The following PPP2R2A variants were observed in gnomAD, a reference collection of about 807,000 sequenced individuals.
PPP2R2A encodes serine/threonine-protein phosphatase 2A 55 kDa regulatory subunit B alpha isoform.
In PPP2R2A, 9 loss-of-function variants were observed where a neutral mutation model predicts 53.2. The observed-to-expected ratio is 0.17, with a 90% CI of 0.10 to 0.30. PPP2R2A has a LOEUF of 0.30. Among genes scored for constraint, PPP2R2A ranks in the 10% least tolerant of loss-of-function variants. The probability of loss-of-function intolerance (pLI) is 1.00; values close to 1 mark genes in which losing one functional copy is unlikely to be tolerated. For synonymous variants in PPP2R2A, 169 were observed against 174.2 expected, an observed-to-expected ratio of 0.97 and a Z score of 0.23; for missense variants, 235 against 534.6, an observed-to-expected ratio of 0.44 and a Z score of 5.53.
intron 2 of PPP2R2A, among the ~76,000 whole-genome samples, chr8:26,304,222 T>C (rs557491167): frequency 6.6e-6 from 1 of 152,100 alleles, no homozygotes; most frequent in African/African-American, 2.4e-5. Context: ...TGAGATAATA[T>C]GGGAGGGATT....
chr8:26,305,364 T>C (rs1255027291), intron 2 of PPP2R2A, among the ~76,000 whole-genome samples: 1 of 152,224 alleles, frequency 6.6e-6, no homozygotes, highest in Non-Finnish European at 1.5e-5. Flanking sequence ...AGTCTTTTTA[T>C]ATATATGGGG....
In PPP2R2A at chr8:26,362,267, C is replaced by T. The variant is rs1036369863; in HGVS notation, c.638-417C>T. Reference sequence around the variant, plus strand: ...AGCACTTTGGGAGGCTGAGGCGAGGCGGATGGATCATGAGGTCAGGAGGTC... The same window carrying T: ...AGCACTTTGGGAGGCTGAGGCGAGGTGGATGGATCATGAGGTCAGGAGGTC... On this transcript the variant is annotated intron_variant, in intron 6 of 9. Transcript: ENST00000380737. This position sits in a 1 kb window ranked among gnomAD's most constrained non-coding sequence, Gnocchi z 4.4. 6.7e-6 allele frequency among the ~76,000 whole-genome samples: 1 copy of T among 149,930 alleles called. No individual in the cohort carries two copies. Among genetic ancestry groups the T allele is most frequent in the African/African-American group, 2.5e-5 (1 of 40,702 alleles).
At chr8:26,307,670 A>G (rs998471811) in intron 2 of PPP2R2A, among the ~76,000 whole-genome samples, 2 of 152,238 alleles carry the variant, frequency 1.3e-5, no homozygotes, top group Non-Finnish European at 2.9e-5. Flanking sequence ...GTTAAAGGAA[A>G]AACAACTTTG....
intron 2 of PPP2R2A, among the ~76,000 whole-genome samples, chr8:26,314,351 C>A (rs184393349): frequency 6.6e-6 from 1 of 152,338 alleles, no homozygotes; most frequent in Non-Finnish European, 1.5e-5. Context: ...AAGCCTGGTG[C>A]ACAGCTGTTG....
chr8:26,334,512 G>A (rs923012976), intron 2 of PPP2R2A, among the ~76,000 whole-genome samples: 6 of 152,124 alleles, frequency 3.9e-5, no homozygotes, highest in Non-Finnish European at 5.9e-5. Context: ...TTGGGAGGCC[G>A]AGGTAGGCGG....
intron 2 of PPP2R2A, among the ~76,000 whole-genome samples, chr8:26,306,675 T>TA (rs911189229): frequency 2.6e-5 from 4 of 151,914 alleles, no homozygotes; most frequent in African/African-American, 7.3e-5. Flanking sequence ...GTAACTAGGT[T>TA]AAAAAAATCT....
chr8:26,315,991 C>A (rs963394762), intron 2 of PPP2R2A, among the ~76,000 whole-genome samples: 2 of 152,098 alleles, frequency 1.3e-5, no homozygotes, highest in African/African-American at 4.8e-5. Flanking sequence ...TTTCTTAAAT[C>A]TAAATTCTGA....
intron 2 of PPP2R2A, among the ~76,000 whole-genome samples, chr8:26,309,754 GGAGA>G (rs922034682): frequency 6.6e-5 from 10 of 152,114 alleles, no homozygotes; most frequent in African/African-American, 2.4e-4. Context: ...GCCCAAGGAG[GGAGA>G]GAGAGAGGGG....
intron 2 of PPP2R2A, among the ~76,000 whole-genome samples, chr8:26,329,272 T>C (rs1459663699): frequency 3.3e-5 from 5 of 152,194 alleles, no homozygotes; most frequent in African/African-American, 2.4e-5. Flanking sequence ...AGAAGAAATA[T>C]ATACTTTTAA....
intron 4 of PPP2R2A, among the ~76,000 whole-genome samples, chr8:26,356,467 A>G (rs1804788943): frequency 1.3e-5 from 2 of 152,160 alleles, no homozygotes; most frequent in South Asian, 2.1e-4. Flanking sequence ...AGAAGTAACT[A>G]TTTAAAGCCT....
intron 2 of PPP2R2A, among the ~76,000 whole-genome samples, chr8:26,318,106 G>A (rs1802649250): frequency 6.6e-6 from 1 of 152,132 alleles, no homozygotes; most frequent in South Asian, 2.1e-4. Context: ...GTGCCAGGAT[G>A]TGCCATTACT....
chr8:26,300,882 C>T lies in PPP2R2A; in HGVS notation c.82+7142C>T, dbSNP rs114332499. ...GAAAAGAAAAGAAAAAGCCTAGGTGCAAATTAGATTTTCTATAAATAAACT... is the reference window on the plus strand; with the variant it reads ...GAAAAGAAAAGAAAAAGCCTAGGTGTAAATTAGATTTTCTATAAATAAACT... On this transcript the variant is annotated intron_variant, in intron 2 of 9. Transcript: ENST00000380737. Among the ~76,000 whole-genome samples the T allele has an allele frequency of 2.8e-3, 424 of 152,156 alleles. 1 individual carries two copies. Among genetic ancestry groups the T allele is most frequent in the African/African-American group, 9.8e-3 (406 of 41,514 alleles).
chr8:26,293,186 T>C, intron 1 of PPP2R2A: 2 of 1,507,584 alleles, frequency 1.3e-6, no homozygotes, highest in South Asian at 1.2e-5. Context: ...GTGTAGTGTT[T>C]GCTGTGTGTG....
chr8:26,316,962 G>T (rs77314333), intron 2 of PPP2R2A, among the ~76,000 whole-genome samples: 87 of 152,296 alleles, frequency 5.7e-4, no homozygotes, highest in Non-Finnish European at 1.2e-3. Context: ...TGATTGCAGG[G>T]CAACTAAAAT....
Position 26,360,488 on chromosome 8 carries a change from C to G in PPP2R2A, c.459+207C>G, listed in dbSNP as rs1256593157. On this transcript the variant is annotated intron_variant, in intron 5 of 9. Coordinates refer to ENST00000380737, the MANE Select transcript of PPP2R2A (RefSeq NM_002717.4). The surrounding 1 kb of genome is among the most constrained non-coding windows in gnomAD (Gnocchi z 4.5). ...ACTTTGGCCAGGGACAGAAGCAGGA[C>G]TCAAGCACAAGACAGTATTTCACGC... The G allele has an allele frequency of 1.4e-5, 5 of 369,500 alleles. No homozygotes were observed. The highest frequency in any genetic ancestry group is 2.4e-5 in the Non-Finnish European group (5 of 207,480). 22.9% of individuals were successfully genotyped at this position (369,500 alleles called of 1,614,324 possible).
rs1805121915 is a variant in PPP2R2A, at chr8:26,362,043, AAGATT to A, written c.638-634_638-630del. Among the ~76,000 whole-genome samples, 1 of 149,774 alleles carries A rather than the reference AAGATT, an allele frequency of 6.7e-6. No homozygotes were observed. The highest frequency in any genetic ancestry group is 1.5e-5 in the Non-Finnish European group (1 of 67,526). On this transcript the variant is annotated intron_variant, in intron 6 of 9. Coordinates refer to ENST00000380737, the MANE Select transcript of PPP2R2A (RefSeq NM_002717.4). The surrounding 1 kb of genome is among the most constrained non-coding windows in gnomAD (Gnocchi z 4.4). Reference sequence around the variant, plus strand: ...TTAAGATTAGATTAAGATTAATCTTAAGATTAGATTAAGATTAATTTTAAGATTAG... The same window carrying A: ...TTAAGATTAGATTAAGATTAATCTTAAGATTAAGATTAATTTTAAGATTAG...
chr8:26,327,269 C>T (rs1053133161), intron 2 of PPP2R2A, among the ~76,000 whole-genome samples: 1 of 152,174 alleles, frequency 6.6e-6, no homozygotes, highest in Non-Finnish European at 1.5e-5. Flanking sequence ...CTCACATCAG[C>T]GAGAGGGAAC....
At position 26,356,604 on chromosome 8, in the gene PPP2R2A, CTG is replaced by C. The variant is rs879494265; in HGVS notation, c.346+1973_346+1974del. On this transcript the variant is annotated intron_variant, in intron 4 of 9. Coordinates refer to ENST00000380737, the MANE Select transcript of PPP2R2A (RefSeq NM_002717.4). Reference sequence around the variant, plus strand: ...CAAATAGCTTCAAATATTTTAGACACTGTTCTTTGGCATCAGATGATACATAA... The same window carrying C: ...CAAATAGCTTCAAATATTTTAGACACTTCTTTGGCATCAGATGATACATAA... Among the ~76,000 whole-genome samples the C allele has an allele frequency of 3.1e-3, 469 of 152,280 alleles. 10 individuals carry two copies. The highest frequency in any genetic ancestry group is 0.026 in the Admixed American group (399 of 15,290).
chr8:26,362,076 A>G lies in PPP2R2A; in HGVS notation c.638-608A>G, dbSNP rs573938979. 5.4e-5 allele frequency among the ~76,000 whole-genome samples: 8 copies of G among 148,776 alleles called. No individual in the cohort carries two copies. The highest frequency in any genetic ancestry group is 1.2e-4 in the Non-Finnish European group (8 of 67,526). On this transcript the variant is annotated intron_variant, in intron 6 of 9. Coordinates refer to ENST00000380737, the MANE Select transcript of PPP2R2A (RefSeq NM_002717.4). The surrounding 1 kb of genome is among the most constrained non-coding windows in gnomAD (Gnocchi z 4.4). ...ATTAAGATTAATTTTAAGATTAGAA[A>G]AAGATTAATAATTAGATTAGATTAG...
Sources: gnomAD v4.1 joint callset for allele counts (sites outside exome capture counted in the v4.1 genomes callset) on GRCh38, gnomAD v4.1.1 for gene constraint, Gnocchi (gnomAD v3.1) non-coding constraint, MANE v1.5 for transcripts, NCBI Gene and HGNC (gene_info 2026-07-23, HGNC 2026-07-21) for gene names.